Variants in TANK observed in about 807,000 individuals in gnomAD.
The protein encoded by TANK is TRAF family member-associated NF-kappa-B activator.
Under a neutral mutation model 43.6 loss-of-function variants are expected in TANK, and 15 were observed. The observed-to-expected ratio is 0.34, with a 90% CI of 0.23 to 0.53. The LOEUF is 0.53. TANK is among the 20% of genes least tolerant of loss of function. The pLI, the probability that TANK is intolerant of heterozygous loss-of-function variation, is 0.94. For synonymous variants in TANK, 162 were observed against 178.2 expected (o/e 0.91, Z 0.73); for missense variants, 417 against 498.6 (o/e 0.84, Z 1.56).
chr2:161,157,153 A>C (rs960367951), upstream of TANK, among the ~76,000 whole-genome samples: 3 of 152,206 alleles, frequency 2.0e-5, no homozygotes, highest in African/African-American at 7.2e-5. Flanking sequence ...TAGCTTCCTT[A>C]CTATCCTTCC....
intron 3 of TANK, among the ~76,000 whole-genome samples, chr2:161,203,845 A>G (rs1686527946): frequency 6.6e-6 from 1 of 152,196 alleles, no homozygotes; most frequent in Admixed American, 6.5e-5. Flanking sequence ...TTGCCAGTAA[A>G]TAGCAGCAAA....
chr2:161,154,650 C>A (rs1459330208), intron 1 of TANK, among the ~76,000 whole-genome samples: 1 of 152,030 alleles, frequency 6.6e-6, no homozygotes, highest in East Asian at 1.9e-4. Context: ...GATTGGGTGA[C>A]TGATTGAATG....
intron 1 of TANK, among the ~76,000 whole-genome samples, chr2:161,172,451 A>G (rs1050151371): frequency 6.6e-6 from 1 of 151,712 alleles, no homozygotes; most frequent in Admixed American, 6.6e-5. Flanking sequence ...CAGGACTTCA[A>G]GAATACAAAC....
upstream of TANK, chr2:161,160,425 G>A (rs1684360091): frequency 8.1e-7 from 1 of 1,241,040 alleles, no homozygotes; most frequent in East Asian, 3.1e-5. Context: ...TCCGGTTGGA[G>A]TCACTCGGCC....
At chr2:161,201,524 C>A (rs1436017048) in intron 2 of TANK, among the ~76,000 whole-genome samples, 4 of 152,030 alleles carry the variant, frequency 2.6e-5, no homozygotes, top group African/African-American at 9.7e-5. Context: ...AATCTCTGGA[C>A]AGTATAATGT....
intron 1 of TANK, among the ~76,000 whole-genome samples, chr2:161,169,110 A>T (rs1684827949): frequency 6.6e-6 from 1 of 152,212 alleles, no homozygotes; most frequent in African/African-American, 2.4e-5. Flanking sequence ...TGAGGGATTC[A>T]ATTAAAGAAA....
At chr2:161,154,322 G>T (rs1397864102) in intron 1 of TANK, among the ~76,000 whole-genome samples, 3 of 152,166 alleles carry the variant, frequency 2.0e-5, no homozygotes, top group Non-Finnish European at 2.9e-5. Context: ...GGTATTAAAA[G>T]AAGCCCAAAA....
At chr2:161,202,498 A>G (rs1441374930) in intron 2 of TANK, among the ~76,000 whole-genome samples, 1 of 152,120 alleles carries the variant, frequency 6.6e-6, no homozygotes, top group Non-Finnish European at 1.5e-5. Context: ...ATGAACAGCT[A>G]TGTAATTTAT....
At chr2:161,195,536 G>A (rs1427231225) in intron 2 of TANK, among the ~76,000 whole-genome samples, 1 of 152,162 alleles carries the variant, frequency 6.6e-6, no homozygotes, top group Admixed American at 6.5e-5. Context: ...ATAGTGCAAT[G>A]AGAAGAGTCA....
intron 6 of TANK, among the ~76,000 whole-genome samples, chr2:161,228,414 C>G (rs942410537): frequency 6.6e-6 from 1 of 152,142 alleles, no homozygotes; most frequent in African/African-American, 2.4e-5. Context: ...GCCCGTAATC[C>G]CAGCTACTCG....
At chr2:161,150,495 AG>A (rs1331657140) in intron 1 of TANK, among the ~76,000 whole-genome samples, 1 of 149,930 alleles carries the variant, frequency 6.7e-6, no homozygotes, top group Admixed American at 6.6e-5. Context: ...AATCTTTATT[AG>A]TTTCATCCTT....
intron 1 of TANK, among the ~76,000 whole-genome samples, chr2:161,139,256 A>T (rs1245222585): frequency 1.3e-5 from 2 of 152,348 alleles, no homozygotes; most frequent in Middle Eastern, 3.4e-3. Flanking sequence ...TTCTGATCTC[A>T]GTGGGAATTT....
intron 4 of TANK, chr2:161,216,548 C>T (rs900286759): frequency 1.0e-5 from 3 of 287,004 alleles, no homozygotes; most frequent in Non-Finnish European, 1.4e-5. Flanking sequence ...GAAGAATATA[C>T]TAGGTCTTGG....
chr2:161,148,873 C>A (rs1423216688), intron 1 of TANK, among the ~76,000 whole-genome samples: 2 of 152,090 alleles, frequency 1.3e-5, no homozygotes, highest in Non-Finnish European at 2.9e-5. Flanking sequence ...TATGCTAGTG[C>A]CATGCTGTTT....
intron 2 of TANK, among the ~76,000 whole-genome samples, chr2:161,194,419 C>T (rs1439092124): frequency 1.3e-5 from 2 of 151,978 alleles, no homozygotes; most frequent in African/African-American, 4.8e-5. Flanking sequence ...GATGTATTAA[C>T]TGCTTTTTCT....
At chr2:161,160,859 C>A in intron 1 of TANK, 1 of 508,306 alleles carries the variant, frequency 2.0e-6, no homozygotes, top group Non-Finnish European at 3.9e-6. Context: ...TCCCGACTTC[C>A]CTTCGGGAGA....
intron 1 of TANK, among the ~76,000 whole-genome samples, chr2:161,150,850 C>A (rs1684059948): frequency 6.6e-6 from 1 of 152,180 alleles, no homozygotes; most frequent in African/African-American, 2.4e-5. Flanking sequence ...CTCAACCTCC[C>A]AAAGTCCTGG....
At position 161,182,701 on chromosome 2, in the gene TANK, T is replaced by G. The variant is rs190125330; in HGVS notation, c.99+2940T>G. On this transcript the variant is annotated intron_variant, in intron 2 of 7. Transcript: ENST00000392749. ...TGTCCTTTGGGGCTTCTATGGAGAC[T>G]TCATTGATTGTCCATGATTGAAGAA... Among the ~76,000 whole-genome samples the G allele has an allele frequency of 5.1e-4, 78 of 152,234 alleles. 1 individual carries two copies. Among genetic ancestry groups the G allele is most frequent in the Non-Finnish European group, 2.4e-4 (16 of 68,004 alleles).
chr2:161,151,380 G>C (rs1255554301), intron 1 of TANK, among the ~76,000 whole-genome samples: 1 of 152,080 alleles, frequency 6.6e-6, no homozygotes, highest in Non-Finnish European at 1.5e-5. Flanking sequence ...AGTCTCCAGT[G>C]ACTATTGTAG....
Sources: allele counts gnomAD v4.1 joint callset (sites outside exome capture counted in the v4.1 genomes callset), GRCh38; gene constraint gnomAD v4.1.1; transcripts MANE v1.5; gene names NCBI Gene and HGNC (gene_info 2026-07-23, HGNC 2026-07-21).